Variants in SASH1 observed in about 807,000 individuals in gnomAD.
The protein encoded by SASH1 is SAM and SH3 domain-containing protein 1.
SASH1 carries 44 observed loss-of-function variants against 125.2 expected under a neutral mutation model. The ratio of observed to expected loss-of-function variants is 0.35; its 90% CI spans 0.28 to 0.45. The LOEUF (loss-of-function observed/expected upper bound fraction) is 0.45, where lower values mean the gene tolerates loss of function less well. Among genes scored for constraint, SASH1 ranks in the 20% least tolerant of loss-of-function variants. SASH1 has a pLI of 1.00. For synonymous variants in SASH1, 639 were observed against 649.1 expected (o/e 0.98, Z 0.24); for missense variants, 1,426 against 1,614.5 (o/e 0.88, Z 2.00).
At chr6:148,326,323 C>CATATAT (rs56276306) in intron 1 of SASH1, among the ~76,000 whole-genome samples, 834 of 9,772 alleles carry the variant, frequency 0.085, 140 homozygotes, top group Middle Eastern at 0.1. Flanking sequence ...CCACCGCATG[C>CATATAT]ATATATATAT....
intron 1 of SASH1, among the ~76,000 whole-genome samples, chr6:148,307,523 C>T (rs561182697): frequency 1.3e-3 from 200 of 152,212 alleles, no homozygotes; most frequent in African/African-American, 4.5e-3. Context: ...CCTCCTGGAA[C>T]AAGATATTTA....
At chr6:148,276,995 C>G (rs1040678290) in intron 1 of SASH1, among the ~76,000 whole-genome samples, 2 of 152,200 alleles carry the variant, frequency 1.3e-5, no homozygotes, top group Non-Finnish European at 2.9e-5. Flanking sequence ...AGGCACTGTT[C>G]TAAGCTCTTC....
At chr6:148,385,040 A>G (rs144801040) in intron 1 of SASH1, among the ~76,000 whole-genome samples, 17 of 152,306 alleles carry the variant, frequency 1.1e-4, no homozygotes, top group African/African-American at 4.1e-4. Flanking sequence ...ACACACATAT[A>G]CATTCTTCTA....
At chr6:148,394,732 C>A (rs1466022469) in intron 2 of SASH1, among the ~76,000 whole-genome samples, 1 of 152,104 alleles carries the variant, frequency 6.6e-6, no homozygotes, top group Non-Finnish European at 1.5e-5. Context: ...GCAATTTCTG[C>A]CTCCTGGGTT....
the SASH1 span, among the ~76,000 whole-genome samples, chr6:148,246,589 G>T: frequency 6.6e-6 from 1 of 152,120 alleles, no homozygotes; most frequent in African/African-American, 2.4e-5. Flanking sequence ...AATATTTGCA[G>T]ATCAGATAGA....
chr6:148,316,553 A>G (rs1582955733), intron 1 of SASH1, among the ~76,000 whole-genome samples: 1 of 152,362 alleles, frequency 6.6e-6, no homozygotes, highest in East Asian at 1.9e-4. Flanking sequence ...GCTTGCCCAG[A>G]ATGCATCTAT....
intron 2 of SASH1, among the ~76,000 whole-genome samples, chr6:148,417,977 A>C (rs950478484): frequency 6.6e-6 from 1 of 152,216 alleles, no homozygotes; most frequent in Non-Finnish European, 1.5e-5. Context: ...TGGCCCTGGC[A>C]CATGTACTCA....
rs183232987 is a variant in SASH1 at position 148,324,134 on chromosome 6, A to C, written n.74+51757A>C. ...AATCTGTCTCAAAAAAAAAAAAAAA[A>C]AACAAGCATAAGTGAGGTATAACTC... On this transcript the variant is annotated intron_variant and non_coding_transcript_variant, in intron 1 of 3. Coordinates refer to the SASH1 transcript ENST00000367469. Among the ~76,000 whole-genome samples the C allele has an allele frequency of 4.1e-3, 612 of 150,454 alleles. 19 individuals carry two copies. The highest frequency in any genetic ancestry group is 0.014 in the African/African-American group (581 of 40,972).
chr6:148,327,858 T>C (rs1780874923), intron 1 of SASH1, among the ~76,000 whole-genome samples: 1 of 150,338 alleles, frequency 6.7e-6, no homozygotes, highest in Non-Finnish European at 1.5e-5. Flanking sequence ...GGAGAATCAC[T>C]TGAACCCAGG....
At chr6:148,283,579 C>G (rs1373274353) in intron 1 of SASH1, among the ~76,000 whole-genome samples, 1 of 152,126 alleles carries the variant, frequency 6.6e-6, no homozygotes, top group African/African-American at 2.4e-5. Context: ...CGAGACCATC[C>G]TGGCTAACAA....
chr6:148,288,401 C>A (rs888693657), intron 1 of SASH1, among the ~76,000 whole-genome samples: 1 of 152,136 alleles, frequency 6.6e-6, no homozygotes, highest in African/African-American at 2.4e-5. Flanking sequence ...AAAGAAACAG[C>A]CCCCAGATGT....
rs201063292 is a variant in SASH1, at chr6:148,534,915, T to C, written c.2095+14T>C. On this transcript the variant is annotated intron_variant, in intron 16 of 19. Coordinates refer to ENST00000367467, the MANE Select transcript of SASH1 (RefSeq NM_015278.5). ...AAGAGTATGACAGTAAGTCCCTGTA[T>C]GCACAGAGGTGTTCCCTGTGAGGTC... The C allele has an allele frequency of 6.0e-5, 97 of 1,612,430 alleles. No homozygotes were observed. The highest frequency in any genetic ancestry group is 3.3e-4 in the Middle Eastern group (2 of 5,990).
intron 1 of SASH1, among the ~76,000 whole-genome samples, chr6:148,325,388 T>C (rs1780770420): frequency 6.6e-6 from 1 of 152,028 alleles, no homozygotes; most frequent in African/African-American, 2.4e-5. Context: ...GTGATTCTCC[T>C]GCCTCAGCCT....
At chr6:148,543,574 T>C (rs1373451568) in intron 17 of SASH1, 106 bp from the exon 18 acceptor site, 12 of 904,686 alleles carry the variant, frequency 1.3e-5, no homozygotes, top group South Asian at 3.8e-5. Context: ...AATTGAACAA[T>C]AGGATGTGGG....
At position 148,331,392 on chromosome 6, in the gene SASH1, C is replaced by T. The variant is rs552591901; in HGVS notation, n.75-58742C>T. 2.7e-4 allele frequency among the ~76,000 whole-genome samples: 41 copies of T among 152,220 alleles called. No individual in the cohort carries two copies. The East Asian group carries it at 4.4e-3, about 17-fold the overall frequency. On this transcript the variant is annotated intron_variant and non_coding_transcript_variant, in intron 1 of 3. Transcript: ENST00000367469. ...TCACCCAGGCTGGGGTGCAATGGCA[C>T]GGTCTTGGCTCACTGCAACCTCTGC... is the stretch of plus-strand genomic sequence containing the variant.
rs539493673 is a variant in SASH1 at position 148,358,922 on chromosome 6, A to G, written c.156+15699A>G. 2.7e-3 allele frequency among the ~76,000 whole-genome samples: 406 copies of G among 151,490 alleles called. 2 individuals are homozygous for G. Among genetic ancestry groups the G allele is most frequent in the African/African-American group, 9.2e-3 (382 of 41,340 alleles). On this transcript the variant is annotated intron_variant, in intron 1 of 19. Coordinates refer to ENST00000367467, the MANE Select transcript of SASH1 (RefSeq NM_015278.5). ...GGCTAATTTTTTGTATTTTTAGTAG[A>G]GACGGGGTTTCACCGTGTTAGCCAG...
intron 1 of SASH1, among the ~76,000 whole-genome samples, chr6:148,328,422 A>T (rs970024564): frequency 6.6e-6 from 1 of 152,008 alleles, no homozygotes; most frequent in Non-Finnish European, 1.5e-5. Flanking sequence ...GTGAAACCCC[A>T]TCTCTACTAA....
At chr6:148,279,251 A>G (rs964927620) in intron 1 of SASH1, among the ~76,000 whole-genome samples, 7 of 152,268 alleles carry the variant, frequency 4.6e-5, no homozygotes, top group Admixed American at 4.6e-4. Flanking sequence ...TCGGCCCCCA[A>G]AAGTGCTAGG....
chr6:148,243,213 G>T, the SASH1 span, among the ~76,000 whole-genome samples: 2 of 152,190 alleles, frequency 1.3e-5, no homozygotes, highest in Non-Finnish European at 2.9e-5. Flanking sequence ...CACTTTGGGA[G>T]GCCAAGGCGG....
Sources: allele counts gnomAD v4.1 joint callset (sites outside exome capture counted in the v4.1 genomes callset), GRCh38; gene constraint gnomAD v4.1.1; transcripts MANE v1.5; gene names NCBI Gene and HGNC (gene_info 2026-07-23, HGNC 2026-07-21).